The following PLCXD3 variants were observed in gnomAD, a reference collection of about 807,000 sequenced individuals.
PLCXD3 encodes the protein PI-PLC X domain-containing protein 3.
In PLCXD3, 19 loss-of-function variants were observed where a neutral mutation model predicts 25.5. That is an observed-to-expected ratio of 0.75 (90% CI 0.52 to 1.09). PLCXD3 has a LOEUF of 1.09. Among genes scored for constraint, PLCXD3 ranks in the 50% least tolerant of loss-of-function variants. PLCXD3 has a pLI of 0.00. For synonymous variants in PLCXD3, 174 were observed against 137.6 expected (o/e 1.26, Z -1.85); for missense variants, 411 against 388.1 (o/e 1.06, Z -0.50).
chr5:41,316,056 C>G (rs1397786259), intron 2 of PLCXD3, among the ~76,000 whole-genome samples: 1 of 152,202 alleles, frequency 6.6e-6, no homozygotes, highest in African/African-American at 2.4e-5. Flanking sequence ...CATCACCTCT[C>G]CCCTAAACCC....
intron 1 of PLCXD3, among the ~76,000 whole-genome samples, chr5:41,433,097 C>A (rs1250144868): frequency 3.3e-5 from 5 of 152,222 alleles, no homozygotes; most frequent in Non-Finnish European, 7.3e-5. Context: ...CACCACATGG[C>A]AGAGGAGCTC....
intron 2 of PLCXD3, among the ~76,000 whole-genome samples, chr5:41,344,015 T>C (rs957106833): frequency 5.3e-5 from 8 of 152,150 alleles, no homozygotes. Context: ...TTAAATGGCA[T>C]CTATGATTCT....
chr5:41,480,009 A>G (rs1748363374), intron 1 of PLCXD3, among the ~76,000 whole-genome samples: 1 of 152,202 alleles, frequency 6.6e-6, no homozygotes, highest in African/African-American at 2.4e-5. Flanking sequence ...CTATTAAAGC[A>G]TTGTCTCAAA....
intron 1 of PLCXD3, among the ~76,000 whole-genome samples, chr5:41,477,553 C>G (rs1393998438): frequency 6.6e-6 from 1 of 152,042 alleles, no homozygotes; most frequent in Non-Finnish European, 1.5e-5. Context: ...TTTCACAGCT[C>G]CTTGGTCTGA....
intron 1 of PLCXD3, among the ~76,000 whole-genome samples, chr5:41,451,749 A>G (rs1390415653): frequency 2.0e-5 from 3 of 151,860 alleles, no homozygotes; most frequent in Admixed American, 6.6e-5. Flanking sequence ...CCTAAGAACT[A>G]GCTCTCCATG....
chr5:41,354,524 C>A (rs73075987), intron 2 of PLCXD3, among the ~76,000 whole-genome samples: 5,577 of 152,222 alleles, frequency 0.037, 347 homozygotes, highest in African/African-American at 0.13. Context: ...AAATCTCTGT[C>A]CATTTTTTTC....
At chr5:41,504,415 G>A (rs1270778195) in intron 1 of PLCXD3, among the ~76,000 whole-genome samples, 1 of 152,120 alleles carries the variant, frequency 6.6e-6, no homozygotes, top group Non-Finnish European at 1.5e-5. Context: ...CCCGAGCAAT[G>A]GAGCAACAAC....
intron 2 of PLCXD3, among the ~76,000 whole-genome samples, chr5:41,380,744 G>A (rs757842823): frequency 2.0e-5 from 3 of 152,082 alleles, no homozygotes; most frequent in Admixed American, 6.6e-5. Context: ...AGCATAATTC[G>A]AAATGTCAGT....
rs141183943 is a variant in PLCXD3 at position 41,379,899 on chromosome 5, T to C, written c.812+1927A>G. 8.1e-3 allele frequency among the ~76,000 whole-genome samples: 1,226 copies of C among 152,140 alleles called. 12 individuals are homozygous for C. Among genetic ancestry groups the C allele is most frequent in the Non-Finnish European group, 0.013 (889 of 67,966 alleles). ...GAAATGTAGACATTAGCAGAAATCA[T>C]AGAGAAAGTCATGCACTTTCATAGA... On this transcript the variant is annotated intron_variant, in intron 2 of 2. Transcript: ENST00000377801.
intron 2 of PLCXD3, among the ~76,000 whole-genome samples, chr5:41,357,006 T>G (rs530087756): frequency 1.3e-5 from 2 of 152,350 alleles, no homozygotes; most frequent in South Asian, 2.1e-4. Context: ...TGCAACTTAA[T>G]GAACCATATT....
intron 1 of PLCXD3, among the ~76,000 whole-genome samples, chr5:41,492,435 G>T: frequency 6.6e-6 from 1 of 151,768 alleles, no homozygotes. Context: ...TTCTTGAGGA[G>T]TATCTTTGTG....
chr5:41,485,323 A>G (rs1748495429), intron 1 of PLCXD3, among the ~76,000 whole-genome samples: 1 of 152,186 alleles, frequency 6.6e-6, no homozygotes, highest in Non-Finnish European at 1.5e-5. Flanking sequence ...GCCTCTCTTT[A>G]TACACTTCTA....
At chr5:41,451,558 G>A (rs1747631800) in intron 1 of PLCXD3, among the ~76,000 whole-genome samples, 3 of 151,846 alleles carry the variant, frequency 2.0e-5, no homozygotes, top group Non-Finnish European at 4.4e-5. Context: ...GAAAAGCATT[G>A]ACTTTTCAAG....
At chr5:41,391,011 AT>A (rs1745798595) in intron 1 of PLCXD3, among the ~76,000 whole-genome samples, 1 of 152,216 alleles carries the variant, frequency 6.6e-6, no homozygotes. Flanking sequence ...CTAAGGGAGC[AT>A]TTAAAATAGC....
At position 41,307,833 on chromosome 5, in the gene PLCXD3, G is replaced by T. The variant is rs1743037385; in HGVS notation, c.*5784C>A. ...AAGAAAAAAGAAATTGAATTTAAAA[G>T]AGGTCCTGGTACTGAGTTAGGCGGT... On this transcript the variant is annotated 3_prime_UTR_variant, in exon 3 of 3. Coordinates refer to ENST00000377801, the MANE Select transcript of PLCXD3 (RefSeq NM_001005473.3). The T allele has an allele frequency of 6.6e-6, 1 of 152,114 alleles. No individual in the cohort carries two copies. The highest frequency in any genetic ancestry group is 1.5e-5 in the Non-Finnish European group (1 of 68,006). 9.4% of individuals were successfully genotyped at this position (152,114 alleles called of 1,614,324 possible).
In PLCXD3 at chr5:41,325,963, C is replaced by A. The variant is rs895095316; in HGVS notation, c.813-12193G>T. ...CACATGGTGGAAGGGAAAACAAGATCCCTTGTGCCTCTTTAACAAGGGTAC... is the reference window on the plus strand; with the variant it reads ...CACATGGTGGAAGGGAAAACAAGATACCTTGTGCCTCTTTAACAAGGGTAC... On this transcript the variant is annotated intron_variant, in intron 2 of 2. Coordinates refer to ENST00000377801, the MANE Select transcript of PLCXD3 (RefSeq NM_001005473.3). 1.5e-4 allele frequency among the ~76,000 whole-genome samples: 23 copies of A among 152,236 alleles called. 1 individual carries two copies. The East Asian group carries it at 4.4e-3, about 29-fold the overall frequency.
chr5:41,440,520 G>A (rs754816666), intron 1 of PLCXD3, among the ~76,000 whole-genome samples: 3 of 151,654 alleles, frequency 2.0e-5, no homozygotes, highest in East Asian at 1.9e-4. Flanking sequence ...GGTGTGAGCC[G>A]CCAGGCCCAG....
rs1040294156 is a variant in PLCXD3, at chr5:41,446,048, C to T, written c.104-63514G>A. On this transcript the variant is annotated intron_variant, in intron 1 of 2. Coordinates refer to ENST00000377801, the MANE Select transcript of PLCXD3 (RefSeq NM_001005473.3). ...TAAAAATACAAAAAAATTAGCTGGGCGTAGTGGCGGGCGCCTGTAGTCCCA... is the reference window on the plus strand; with the variant it reads ...TAAAAATACAAAAAAATTAGCTGGGTGTAGTGGCGGGCGCCTGTAGTCCCA... 4.0e-5 allele frequency among the ~76,000 whole-genome samples: 6 copies of T among 151,104 alleles called. No individual in the cohort carries two copies. The East Asian group carries it at 1.2e-3, about 29-fold the overall frequency.
chr5:41,439,136 C>T (rs1310980318), intron 1 of PLCXD3, among the ~76,000 whole-genome samples: 1 of 152,146 alleles, frequency 6.6e-6, no homozygotes, highest in African/African-American at 2.4e-5. Flanking sequence ...AGGTATCCTG[C>T]GCCTCCTCTG....
Sources: gnomAD v4.1 joint callset for allele counts (sites outside exome capture counted in the v4.1 genomes callset) on GRCh38, gnomAD v4.1.1 for gene constraint, MANE v1.5 for transcripts, NCBI Gene and HGNC (gene_info 2026-07-23, HGNC 2026-07-21) for gene names.